Variants in HDGFL3 observed in about 807,000 individuals in gnomAD.
The protein encoded by HDGFL3 is HDGF like 3.
Under a neutral mutation model 27.6 loss-of-function variants are expected in HDGFL3, and 6 were observed. The observed-to-expected ratio is 0.22, with a 90% CI of 0.12 to 0.43. HDGFL3 has a LOEUF of 0.43. Ranked by LOEUF, HDGFL3 falls within the 20% of genes least tolerant of loss-of-function variation. The pLI is 1.00. For synonymous variants in HDGFL3, 88 were observed against 88.9 expected (o/e 0.99, Z 0.05); for missense variants, 207 against 250.1 (o/e 0.83, Z 1.16).
intron 1 of HDGFL3, among the ~76,000 whole-genome samples, chr15:83,202,998 C>T (rs2037667540): frequency 6.6e-6 from 1 of 152,012 alleles, no homozygotes; most frequent in Admixed American, 6.5e-5. Context: ...AATATAAACA[C>T]TCATTTCTCT....
At chr15:83,154,231 G>A (rs930474558) in intron 4 of HDGFL3, among the ~76,000 whole-genome samples, 1 of 151,952 alleles carries the variant, frequency 6.6e-6, no homozygotes, top group African/African-American at 2.4e-5. Flanking sequence ...AGCTACTGGG[G>A]AGGCTGAGGT....
chr15:83,192,444 A>G, intron 1 of HDGFL3: 1 of 371,884 alleles, frequency 2.7e-6, no homozygotes, highest in Non-Finnish European at 5.3e-6. Context: ...GAGAGCAGAC[A>G]TGGTGAGTAC....
At chr15:83,121,828 G>A in intron 3 of HDGFL3, 1 of 922,264 alleles carries the variant, frequency 1.1e-6, no homozygotes, top group Non-Finnish European at 1.7e-6. Flanking sequence ...TACTTTACTA[G>A]TTTGAATACA....
intron 1 of HDGFL3, among the ~76,000 whole-genome samples, chr15:83,203,449 G>T (rs1215129164): frequency 6.6e-6 from 1 of 151,986 alleles, no homozygotes; most frequent in Admixed American, 6.6e-5. Context: ...CAGGATTATG[G>T]AATATCTACT....
rs9920392 is a variant in HDGFL3, at chr15:83,204,445, T to C, written c.84+2886A>G. ...CAACTTACCTTGAAATGCATTAAAA[T>C]AAGAGGAACTATTATGTAGATAGAG... is the stretch of plus-strand genomic sequence containing the variant. On this transcript the variant is annotated intron_variant, in intron 1 of 5. Coordinates refer to ENST00000299633, the MANE Select transcript of HDGFL3 (RefSeq NM_016073.4). Among the ~76,000 whole-genome samples the C allele has an allele frequency of 8.4e-3, 1,284 of 152,160 alleles. 17 individuals carry two copies. The highest frequency in any genetic ancestry group is 0.029 in the African/African-American group (1,184 of 41,496).
At chr15:83,197,133 C>T (rs1168994299) in intron 1 of HDGFL3, among the ~76,000 whole-genome samples, 1 of 152,210 alleles carries the variant, frequency 6.6e-6, no homozygotes, top group Non-Finnish European at 1.5e-5. Flanking sequence ...TATTTCATAA[C>T]TCTACCAAAG....
At chr15:83,158,524 C>A (rs986672834) in intron 2 of HDGFL3, among the ~76,000 whole-genome samples, 1 of 152,192 alleles carries the variant, frequency 6.6e-6, no homozygotes, top group Non-Finnish European at 1.5e-5. Flanking sequence ...TTTAGTTACC[C>A]ATGGTCAACT....
Position 83,136,599 on chromosome 15 carries a change from A to G in HDGFL3, c.*2671T>C, listed in dbSNP as rs1312334482. On this transcript the variant is annotated 3_prime_UTR_variant, in exon 6 of 6. Transcript: ENST00000299633. The stretch of plus-strand genomic sequence containing the variant: ...AACATAGCATATGGAGTTCTTCCTC[A>G]GCTCTTGGCCTATCGTTGTATCTAC... 3.1e-6 allele frequency: 5 copies of G among 1,613,672 alleles called. No homozygotes were observed. The East Asian group carries it at 1.1e-4, about 36-fold the overall frequency.
chr15:83,203,735 T>C (rs2037680878), intron 1 of HDGFL3, among the ~76,000 whole-genome samples: 2 of 151,862 alleles, frequency 1.3e-5, no homozygotes, highest in African/African-American at 4.8e-5. Flanking sequence ...CTGTTAACGA[T>C]ATTGTGCAAT....
rs2036126738 is a variant in HDGFL3, at chr15:83,130,213, G to T, written c.*9057C>A. ...GGCAAAAGCCTAGTCACATGGCCAG[G>T]GTCAACAGTCAGGAAGCTTAGGAAG... On this transcript the variant is annotated 3_prime_UTR_variant, in exon 6 of 6. Coordinates refer to ENST00000299633, the MANE Select transcript of HDGFL3 (RefSeq NM_016073.4). 1 of 152,298 alleles carries T rather than the reference G, an allele frequency of 6.6e-6. No individual in the cohort carries two copies. Among genetic ancestry groups the T allele is most frequent in the African/African-American group, 2.4e-5 (1 of 41,428 alleles). The allele number at this position is 152,298 out of a possible 1,614,324, so 9.4% of individuals were successfully genotyped here.
intron 3 of HDGFL3, among the ~76,000 whole-genome samples, chr15:83,118,264 C>T (rs1567138954): frequency 6.9e-6 from 1 of 145,766 alleles, no homozygotes; most frequent in African/African-American, 2.6e-5. Flanking sequence ...CACACACACA[C>T]ATACAGAGAG....
chr15:83,115,689 T>C (rs1474629282), exon 4 of HDGFL3: 1 of 705,170 alleles, frequency 1.4e-6, no homozygotes, highest in South Asian at 1.5e-5. Flanking sequence ...TCCAGCTGGG[T>C]GTGTAGAAGG....
intron 5 of HDGFL3, among the ~76,000 whole-genome samples, chr15:83,141,758 AAAGACTT>A (rs2151393431): frequency 6.6e-6 from 1 of 152,308 alleles, no homozygotes; most frequent in East Asian, 1.9e-4. Context: ...CCCAATACTT[AAAGACTT>A]TTCTGATGAG....
intron 1 of HDGFL3, among the ~76,000 whole-genome samples, chr15:83,176,565 T>C (rs1201418586): frequency 6.6e-6 from 1 of 152,130 alleles, no homozygotes; most frequent in East Asian, 1.9e-4. Flanking sequence ...AGAAAACTTA[T>C]TATCAGAGTT....
chr15:83,144,692 T>G, intron 5 of HDGFL3: 1 of 365,198 alleles, frequency 2.7e-6, no homozygotes, highest in South Asian at 2.0e-5. Context: ...CCATCCCCAG[T>G]TGAGCCTTAA....
At chr15:83,183,508 C>A (rs1459492655) in intron 1 of HDGFL3, among the ~76,000 whole-genome samples, 1 of 152,126 alleles carries the variant, frequency 6.6e-6, no homozygotes, top group Non-Finnish European at 1.5e-5. Flanking sequence ...CACCTGTAAT[C>A]CCTGCACTTC....
downstream of HDGFL3, among the ~76,000 whole-genome samples, chr15:83,125,013 C>T (rs965026448): frequency 9.2e-5 from 14 of 152,090 alleles, no homozygotes; most frequent in Non-Finnish European, 7.4e-5. Context: ...TCTTCCTCCC[C>T]GTTTTAGGGC....
chr15:83,188,085 C>T (rs1239888627), intron 1 of HDGFL3, among the ~76,000 whole-genome samples: 1 of 152,068 alleles, frequency 6.6e-6, no homozygotes, highest in East Asian at 1.9e-4. Context: ...ATGAAAATGA[C>T]TTCCCTTCCA....
At chr15:83,154,096 T>C (rs1418964528) in intron 4 of HDGFL3, among the ~76,000 whole-genome samples, 2 of 151,164 alleles carry the variant, frequency 1.3e-5, no homozygotes, top group African/African-American at 4.9e-5. Context: ...GGGCAGACTG[T>C]TTGAGCTCAG....
Sources: gnomAD v4.1 joint callset for allele counts (sites outside exome capture counted in the v4.1 genomes callset) on GRCh38, gnomAD v4.1.1 for gene constraint, MANE v1.5 for transcripts, NCBI Gene and HGNC (gene_info 2026-07-23, HGNC 2026-07-21) for gene names.